PRKG1: variants seen among roughly 807,000 people sequenced by gnomAD.
The protein encoded by PRKG1 is cGMP-dependent protein kinase 1.
In PRKG1, 35 loss-of-function variants were observed where a neutral mutation model predicts 88.1. The ratio of observed to expected loss-of-function variants is 0.40; its 90% confidence interval spans 0.30 to 0.53. The LOEUF (loss-of-function observed/expected upper bound fraction) is 0.53, where lower values mean the gene tolerates loss of function less well. PRKG1 is among the 20% of genes least tolerant of loss of function. PRKG1 has a pLI of 0.59. For synonymous variants in PRKG1, 303 were observed against 292.5 expected, an observed-to-expected ratio of 1.04 and a Z score of -0.37; for missense variants, 540 against 839.8, an observed-to-expected ratio of 0.64 and a Z score of 4.41.
chr10:52,209,363 C>T (rs1839900487), intron 9 of PRKG1, among the ~76,000 whole-genome samples: 1 of 151,992 alleles, frequency 6.6e-6, no homozygotes, highest in Non-Finnish European at 1.5e-5. Flanking sequence ...ATATTATTTC[C>T]AACCATTTAA....
chr10:51,626,955 T>C (rs905892309), intron 3 of PRKG1, among the ~76,000 whole-genome samples: 8 of 152,164 alleles, frequency 5.3e-5, no homozygotes, highest in Non-Finnish European at 1.0e-4. Flanking sequence ...CCAATGTTTA[T>C]GAAAACCTAC....
intron 1 of PRKG1, among the ~76,000 whole-genome samples, chr10:51,039,187 T>G (rs995167778): frequency 2.0e-5 from 3 of 152,224 alleles, no homozygotes; most frequent in Non-Finnish European, 2.9e-5. Flanking sequence ...TGTACTAATT[T>G]ACATTCCCAC....
At chr10:52,035,434 G>C (rs570862469) in intron 5 of PRKG1, among the ~76,000 whole-genome samples, 71 of 152,288 alleles carry the variant, frequency 4.7e-4, no homozygotes, top group African/African-American at 1.6e-3. Flanking sequence ...GAGGTTCTAA[G>C]AGGCAGGCTA....
At chr10:51,642,820 G>A (rs537134449) in intron 3 of PRKG1, among the ~76,000 whole-genome samples, 1 of 152,282 alleles carries the variant, frequency 6.6e-6, no homozygotes, top group African/African-American at 2.4e-5. Flanking sequence ...CTTATTGATT[G>A]AACAAACTGA....
At chr10:51,843,090 A>ATTTT (rs1200317452) in intron 4 of PRKG1, among the ~76,000 whole-genome samples, 1 of 117,492 alleles carries the variant, frequency 8.5e-6, no homozygotes, top group African/African-American at 3.2e-5. Context: ...TAGGAAAATT[A>ATTTT]TTCTTTTTTT....
chr10:51,078,385 A>AT (rs34894735), intron 1 of PRKG1, among the ~76,000 whole-genome samples: 22,090 of 85,704 alleles, frequency 0.26, 3,100 homozygotes, highest in African/African-American at 0.31. Context: ...ATGCCTGGCT[A>AT]TTTTTTTTTT....
intron 8 of PRKG1, among the ~76,000 whole-genome samples, chr10:52,145,357 C>G (rs1837702707): frequency 6.6e-6 from 1 of 152,114 alleles, no homozygotes; most frequent in Non-Finnish European, 1.5e-5. Flanking sequence ...GTCTTCGGAA[C>G]TCATAAACAA....
chr10:51,392,627 G>A (rs947214618), intron 2 of PRKG1, among the ~76,000 whole-genome samples: 11 of 151,192 alleles, frequency 7.3e-5, no homozygotes, highest in Admixed American at 3.9e-4. Context: ...ATCATGGCGC[G>A]TTCTCAATGA....
chr10:51,711,259 C>T (rs1841742304), intron 3 of PRKG1, among the ~76,000 whole-genome samples: 3 of 152,090 alleles, frequency 2.0e-5, no homozygotes. Context: ...GCGCCCGCCA[C>T]CACGCCTGGC....
chr10:51,960,259 C>A (rs1843414808), intron 5 of PRKG1, among the ~76,000 whole-genome samples: 1 of 151,896 alleles, frequency 6.6e-6, no homozygotes, highest in Non-Finnish European at 1.5e-5. Flanking sequence ...GCTACCTGCT[C>A]TAACAGGCAC....
At chr10:51,587,667 T>C (rs1196589015) in intron 3 of PRKG1, among the ~76,000 whole-genome samples, 1 of 152,192 alleles carries the variant, frequency 6.6e-6, no homozygotes, top group Non-Finnish European at 1.5e-5. Context: ...AGCTTGCTTT[T>C]CATTTAAATA....
At chr10:51,112,887 T>C (rs995976227) in intron 1 of PRKG1, among the ~76,000 whole-genome samples, 1 of 152,220 alleles carries the variant, frequency 6.6e-6, no homozygotes, top group Non-Finnish European at 1.5e-5. Context: ...AGAAAGATGT[T>C]TGAAAACACT....
chr10:51,103,942 A>G (rs1437346678), intron 1 of PRKG1, among the ~76,000 whole-genome samples: 1 of 152,242 alleles, frequency 6.6e-6, no homozygotes, highest in Non-Finnish European at 1.5e-5. Flanking sequence ...CTCATAATGT[A>G]CTGCATGGAT....
intron 10 of PRKG1, 57 bp downstream of exon 10, chr10:52,251,723 C>T (rs1841176554): frequency 7.4e-7 from 1 of 1,359,604 alleles, no homozygotes; most frequent in Non-Finnish European, 1.0e-6. Flanking sequence ...TTAATTTTTT[C>T]CCCTAGATTA....
chr10:52,036,574 C>T lies in PRKG1; in HGVS notation c.763-17910C>T, dbSNP rs1217242778. 5.9e-5 allele frequency among the ~76,000 whole-genome samples: 9 copies of T among 151,856 alleles called. No homozygotes were observed. In the South Asian group the frequency reaches 6.3e-4, roughly 11 times the overall value. ...AGATGGTAACGGGTGCATGATTGGT[C>T]GCCAAGGAGGGAGTAGAGGTATCTT... is the stretch of plus-strand genomic sequence containing the variant. On this transcript the variant is annotated intron_variant, in intron 5 of 17. Transcript: ENST00000373980.
At chr10:52,057,905 A>G (rs1846147550) in intron 6 of PRKG1, among the ~76,000 whole-genome samples, 1 of 152,080 alleles carries the variant, frequency 6.6e-6, no homozygotes, top group South Asian at 2.1e-4. Flanking sequence ...ATCAAGAACA[A>G]GATAAAGATA....
At chr10:51,343,604 T>A (rs1413208695) in intron 2 of PRKG1, among the ~76,000 whole-genome samples, 1 of 152,190 alleles carries the variant, frequency 6.6e-6, no homozygotes, top group African/African-American at 2.4e-5. Context: ...TATTTAAATA[T>A]TGACAATAAT....
Position 52,161,983 on chromosome 10 carries a change from A to C in PRKG1, c.1076+20A>C, listed in dbSNP as rs1224824958. 1 of 1,591,448 alleles carries C rather than the reference A, an allele frequency of 6.3e-7. No homozygotes were observed. Among genetic ancestry groups the C allele is most frequent in the Non-Finnish European group, 8.6e-7 (1 of 1,166,026 alleles). ...AGCAAAGTAAGTGACTTTTTTCCTT[A>C]ATTTTGATTGCAAAATGATTTTGAA... is the stretch of plus-strand genomic sequence containing the variant. On this transcript the variant is annotated intron_variant, in intron 9 of 17. Transcript: ENST00000373980.
intron 3 of PRKG1, among the ~76,000 whole-genome samples, chr10:51,676,988 T>C (rs1314781357): frequency 6.6e-6 from 1 of 152,174 alleles, no homozygotes. Context: ...CATACCAGTG[T>C]AAGTCCCACC....
Sources: gnomAD v4.1 joint callset for allele counts (sites outside exome capture counted in the v4.1 genomes callset) on GRCh38, gnomAD v4.1.1 for gene constraint, MANE v1.5 for transcripts, NCBI Gene and HGNC (gene_info 2026-07-23, HGNC 2026-07-21) for gene names.